KLF12: variants seen among roughly 807,000 people sequenced by gnomAD.
The protein encoded by KLF12 is Krueppel-like factor 12.
KLF12 carries 9 observed loss-of-function variants against 37.8 expected under a neutral mutation model. The ratio of observed to expected loss-of-function variants is 0.24; its 90% CI spans 0.14 to 0.42. The LOEUF (loss-of-function observed/expected upper bound fraction) is 0.42, where lower values mean the gene tolerates loss of function less well. Among genes scored for constraint, KLF12 ranks in the 10% least tolerant of loss-of-function variants. KLF12 has a pLI of 1.00. For missense variants in KLF12, 411 were observed against 516.0 expected, an observed-to-expected ratio of 0.80 and a Z score of 1.97; for synonymous variants, 208 against 202.1, an observed-to-expected ratio of 1.03 and a Z score of -0.25.
At chr13:73,864,680 G>C (rs1174887262) in intron 3 of KLF12, among the ~76,000 whole-genome samples, 2 of 152,030 alleles carry the variant, frequency 1.3e-5, no homozygotes, top group Admixed American at 6.6e-5. Flanking sequence ...CTAACTGCCT[G>C]GGTAAAATGT....
At chr13:74,269,334 A>G in the KLF12 span, among the ~76,000 whole-genome samples, 9 of 152,018 alleles carry the variant, frequency 5.9e-5, no homozygotes, top group African/African-American at 2.2e-4. Context: ...TCTACCTTTT[A>G]TTTCCTGCTC....
chr13:74,062,817 A>G (rs140429939), intron 1 of KLF12, among the ~76,000 whole-genome samples: 272 of 152,340 alleles, frequency 1.8e-3, no homozygotes, highest in African/African-American at 6.3e-3. Flanking sequence ...AAAAGATTTC[A>G]TCTCCAGCTT....
At chr13:73,795,448 T>C (rs73531651) in intron 5 of KLF12, among the ~76,000 whole-genome samples, 1,647 of 152,314 alleles carry the variant, frequency 0.011, 22 homozygotes, top group African/African-American at 0.038. Flanking sequence ...CAATACACAC[T>C]GAATAAATGA....
At chr13:74,018,963 C>T (rs1055018083) in intron 1 of KLF12, among the ~76,000 whole-genome samples, 6 of 152,172 alleles carry the variant, frequency 3.9e-5, no homozygotes, top group East Asian at 1.9e-4. Flanking sequence ...TGAAAACAAT[C>T]GATATCAGGC....
chr13:74,066,919 A>G (rs1873954287), intron 1 of KLF12, among the ~76,000 whole-genome samples: 1 of 152,212 alleles, frequency 6.6e-6, no homozygotes, highest in African/African-American at 2.4e-5. Flanking sequence ...GGTACTTTGA[A>G]GACCATTTTA....
intron 2 of KLF12, among the ~76,000 whole-genome samples, chr13:73,993,436 A>T (rs1041820452): frequency 1.3e-5 from 2 of 152,232 alleles, no homozygotes; most frequent in African/African-American, 4.8e-5. Context: ...TCATAATAAA[A>T]ATTAGTTACA....
intron 3 of KLF12, among the ~76,000 whole-genome samples, chr13:73,931,154 G>A (rs147521357): frequency 6.6e-6 from 1 of 152,192 alleles, no homozygotes; most frequent in Non-Finnish European, 1.5e-5. Flanking sequence ...CACTGCCCTA[G>A]CCACATATTT....
chr13:73,988,419 A>G (rs1891882916), intron 2 of KLF12, among the ~76,000 whole-genome samples: 1 of 152,244 alleles, frequency 6.6e-6, no homozygotes, highest in South Asian at 2.1e-4. Flanking sequence ...GAAGTCTTCA[A>G]GGCAGAGTCT....
At chr13:73,782,672 T>C (rs899137763) in intron 5 of KLF12, among the ~76,000 whole-genome samples, 1 of 152,232 alleles carries the variant, frequency 6.6e-6, no homozygotes, top group Non-Finnish European at 1.5e-5. Context: ...AAATGCAATG[T>C]TGAACCGACC....
chr13:73,760,762 C>T (rs930961969), intron 6 of KLF12, among the ~76,000 whole-genome samples: 1 of 152,138 alleles, frequency 6.6e-6, no homozygotes. Flanking sequence ...ATCACTACCG[C>T]CACCATTATC....
At chr13:74,070,488 G>A (rs950982201) in intron 1 of KLF12, among the ~76,000 whole-genome samples, 1 of 149,660 alleles carries the variant, frequency 6.7e-6, no homozygotes, top group Non-Finnish European at 1.5e-5. Flanking sequence ...GGAATATGGG[G>A]TTTTGTTTGT....
chr13:74,069,296 T>C (rs958680428), intron 1 of KLF12, among the ~76,000 whole-genome samples: 1 of 152,170 alleles, frequency 6.6e-6, no homozygotes, highest in African/African-American at 2.4e-5. Context: ...GACTTGACTA[T>C]GCACCGATCC....
chr13:74,149,917 G>A, the KLF12 span, among the ~76,000 whole-genome samples: 1 of 152,150 alleles, frequency 6.6e-6, no homozygotes. Flanking sequence ...CCCTAGATAT[G>A]TGCTGGTTGC....
intron 5 of KLF12, among the ~76,000 whole-genome samples, chr13:73,797,902 T>G (rs1882079962): frequency 6.6e-6 from 1 of 152,068 alleles, no homozygotes; most frequent in Admixed American, 6.6e-5. Flanking sequence ...CTGAACTACT[T>G]CAATAACTTC....
At chr13:74,043,585 G>C (rs1223772499) in intron 1 of KLF12, among the ~76,000 whole-genome samples, 1 of 152,098 alleles carries the variant, frequency 6.6e-6, no homozygotes, top group African/African-American at 2.4e-5. Context: ...CCTTGACTAC[G>C]ACAACCCATA....
chr13:74,085,239 T>A (rs912441395), intron 1 of KLF12, among the ~76,000 whole-genome samples: 4 of 152,182 alleles, frequency 2.6e-5, no homozygotes, highest in African/African-American at 9.7e-5. Flanking sequence ...TGTGTTTTCA[T>A]GAACATATGC....
intron 7 of KLF12, among the ~76,000 whole-genome samples, chr13:73,709,260 T>C (rs370272462): frequency 3.3e-5 from 5 of 152,198 alleles, no homozygotes; most frequent in African/African-American, 9.7e-5. Context: ...CAGGTACTTA[T>C]ATGGTACAAA....
At chr13:73,930,784 T>C (rs1889630351) in intron 3 of KLF12, among the ~76,000 whole-genome samples, 1 of 151,706 alleles carries the variant, frequency 6.6e-6, no homozygotes, top group Admixed American at 6.6e-5. Context: ...GATAATAAAG[T>C]AATAAAGCAC....
chr13:74,147,920 C>G, the KLF12 span, among the ~76,000 whole-genome samples: 9 of 150,132 alleles, frequency 6.0e-5, no homozygotes, highest in African/African-American at 1.7e-4. Context: ...TCTTTTTTTT[C>G]TTTTTTTTTG....
Sources: allele counts gnomAD v4.1 joint callset (sites outside exome capture counted in the v4.1 genomes callset), GRCh38; gene constraint gnomAD v4.1.1; transcripts MANE v1.5; gene names NCBI Gene and HGNC (gene_info 2026-07-23, HGNC 2026-07-21).